SLC24A3: variants seen among roughly 807,000 people sequenced by gnomAD.
SLC24A3 encodes solute carrier family 24 member 3.
Under a neutral mutation model 75.8 loss-of-function variants are expected in SLC24A3, and 28 were observed. The observed-to-expected ratio is 0.37, with a 90% confidence interval of 0.27 to 0.51. SLC24A3 has a LOEUF of 0.51. Among genes scored for constraint, SLC24A3 ranks in the 20% least tolerant of loss-of-function variants. SLC24A3 has a pLI of 0.94. For synonymous variants in SLC24A3, 372 were observed against 334.1 expected, an observed-to-expected ratio of 1.11 and a Z score of -1.24; for missense variants, 663 against 847.8, an observed-to-expected ratio of 0.78 and a Z score of 2.71.
At chr20:19,329,996 T>G (rs889921864) in intron 2 of SLC24A3, among the ~76,000 whole-genome samples, 1 of 152,152 alleles carries the variant, frequency 6.6e-6, no homozygotes, top group African/African-American at 2.4e-5. Flanking sequence ...GTTTTAATCA[T>G]CTGCAGTCTC....
At position 19,635,687 on chromosome 20, in the gene SLC24A3, A is replaced by T. The variant is rs144367867; in HGVS notation, c.613-18375A>T. Among the ~76,000 whole-genome samples the T allele has an allele frequency of 2.5e-3, 375 of 152,254 alleles. 2 individuals carry two copies. The highest frequency in any genetic ancestry group is 8.1e-3 in the African/African-American group (336 of 41,542). ...CTTCACTCACATGTTTGGCACCTGG[A>T]TTGGGGTGACTCGAAGACTGGGCTC... On this transcript the variant is annotated intron_variant, in intron 6 of 16. Transcript: ENST00000328041.
At chr20:19,542,385 T>C (rs2030515015) in intron 3 of SLC24A3, among the ~76,000 whole-genome samples, 1 of 152,244 alleles carries the variant, frequency 6.6e-6, no homozygotes, top group Non-Finnish European at 1.5e-5. Context: ...AGGGCAGGGC[T>C]GCTGCATCAG....
In SLC24A3 at chr20:19,296,026, G is replaced by A. The variant is rs1037137559; in HGVS notation, c.271+14939G>A. 5.3e-5 allele frequency among the ~76,000 whole-genome samples: 8 copies of A among 152,048 alleles called. No homozygotes were observed. In the South Asian group the frequency reaches 6.2e-4, roughly 12 times the overall value. On this transcript the variant is annotated intron_variant, in intron 2 of 16. Transcript: ENST00000328041. ...TTGGTAGGCTATTTATTACTGTCTC[G>A]ATTTCAGAACTTGTTATTGGTCTAT...
intron 15 of SLC24A3, among the ~76,000 whole-genome samples, chr20:19,715,126 T>G (rs2033031155): frequency 6.6e-6 from 1 of 152,236 alleles, no homozygotes; most frequent in Non-Finnish European, 1.5e-5. Flanking sequence ...TCCTCTCTCC[T>G]AGGGGTTGCC....
chr20:19,281,231 G>A lies in SLC24A3; in HGVS notation c.271+144G>A, dbSNP rs6081557. On this transcript the variant is annotated intron_variant, in intron 2 of 16. Coordinates refer to ENST00000328041, the MANE Select transcript of SLC24A3 (RefSeq NM_020689.4). ...AGGATGGGAGTCTAAGAAACTTTCA[G>A]GTGACATCCTGAGGGACTATTAAGT... 6.5e-6 allele frequency: 8 copies of A among 1,229,826 alleles called. No individual in the cohort carries two copies. In the Admixed American group the frequency reaches 2.1e-4, roughly 32 times the overall value. 76.2% of individuals were successfully genotyped at this position (1,229,826 alleles called of 1,614,324 possible).
intron 3 of SLC24A3, among the ~76,000 whole-genome samples, chr20:19,557,901 A>G (rs1200998591): frequency 6.6e-6 from 1 of 152,224 alleles, no homozygotes; most frequent in Non-Finnish European, 1.5e-5. Context: ...AATTTTCCAT[A>G]GTTGTTAGCA....
intron 12 of SLC24A3, 89 bp from the exon 13 acceptor site, chr20:19,693,170 C>G (rs964171159): frequency 1.4e-5 from 19 of 1,379,738 alleles, no homozygotes; most frequent in Non-Finnish European, 1.9e-5. Context: ...GAAAGCAGTA[C>G]AGACACTTGG....
chr20:19,315,959 C>G (rs927569886), intron 2 of SLC24A3, among the ~76,000 whole-genome samples: 1 of 152,306 alleles, frequency 6.6e-6, no homozygotes, highest in Non-Finnish European at 1.5e-5. Context: ...TACAGTTAGC[C>G]AGAATCATCT....
chr20:19,361,489 G>C (rs1472354593), intron 2 of SLC24A3, among the ~76,000 whole-genome samples: 1 of 152,172 alleles, frequency 6.6e-6, no homozygotes, highest in Non-Finnish European at 1.5e-5. Context: ...AGTGACAGTG[G>C]GATTGACTAG....
chr20:19,281,174 A>G, intron 2 of SLC24A3, 87 bp downstream of exon 2: 1 of 1,558,662 alleles, frequency 6.4e-7, no homozygotes, highest in Non-Finnish European at 8.7e-7. Context: ...GTTTTCTTAG[A>G]ATTTTAATCC....
intron 2 of SLC24A3, among the ~76,000 whole-genome samples, chr20:19,282,322 A>C (rs1055918608): frequency 6.6e-6 from 1 of 152,234 alleles, no homozygotes; most frequent in Non-Finnish European, 1.5e-5. Flanking sequence ...ACAAACAAAA[A>C]AAATACCCTA....
intron 9 of SLC24A3, among the ~76,000 whole-genome samples, chr20:19,677,133 T>A (rs2032534161): frequency 6.6e-6 from 1 of 152,118 alleles, no homozygotes; most frequent in Non-Finnish European, 1.5e-5. Flanking sequence ...CTGATAAATG[T>A]ATAATACATG....
chr20:19,605,205 C>T (rs1451862410), intron 6 of SLC24A3, among the ~76,000 whole-genome samples: 1 of 152,158 alleles, frequency 6.6e-6, no homozygotes, highest in African/African-American at 2.4e-5. Context: ...TTATTTTCAC[C>T]GTTTGTACAA....
At chr20:19,486,271 A>T (rs982343263) in intron 2 of SLC24A3, among the ~76,000 whole-genome samples, 24 of 152,222 alleles carry the variant, frequency 1.6e-4, no homozygotes, top group Admixed American at 8.5e-4. Flanking sequence ...TTGTAAGAAC[A>T]GAAAAACTGA....
intron 1 of SLC24A3, among the ~76,000 whole-genome samples, chr20:19,249,995 G>A (rs925241711): frequency 2.0e-5 from 3 of 152,140 alleles, no homozygotes; most frequent in African/African-American, 7.2e-5. Flanking sequence ...TGATCTGAAA[G>A]GCCATCTTTC....
chr20:19,473,594 G>A (rs1229455569), intron 2 of SLC24A3, among the ~76,000 whole-genome samples: 3 of 152,228 alleles, frequency 2.0e-5, no homozygotes, highest in African/African-American at 7.2e-5. Context: ...TCATGTAGCT[G>A]GGGAATTGGG....
At chr20:19,617,353 CACCT>C in intron 6 of SLC24A3, among the ~76,000 whole-genome samples, 1 of 152,288 alleles carries the variant, frequency 6.6e-6, no homozygotes, top group South Asian at 2.1e-4. Flanking sequence ...CTCTGAGTGT[CACCT>C]GGAGGTGTTG....
chr20:19,217,231 AAGG>A (rs2122126799), intron 1 of SLC24A3, among the ~76,000 whole-genome samples: 1 of 152,336 alleles, frequency 6.6e-6, no homozygotes, highest in Admixed American at 6.5e-5. Context: ...GCCCACGTTG[AAGG>A]AGAAGGGCAT....
chr20:19,260,477 C>G (rs1029164306), intron 1 of SLC24A3, among the ~76,000 whole-genome samples: 1 of 152,182 alleles, frequency 6.6e-6, no homozygotes, highest in African/African-American at 2.4e-5. Flanking sequence ...CACATAATCT[C>G]CCTGAGGGTA....
Sources: gnomAD v4.1 joint callset for allele counts (sites outside exome capture counted in the v4.1 genomes callset) on GRCh38, gnomAD v4.1.1 for gene constraint, MANE v1.5 for transcripts, NCBI Gene and HGNC (gene_info 2026-07-23, HGNC 2026-07-21) for gene names.